CASP5: variants seen among roughly 807,000 people sequenced by gnomAD.
CASP5 encodes caspase-5.
A neutral mutation model predicts 45.2 loss-of-function variants in CASP5; 42 were observed. The observed-to-expected ratio is 0.93, with a 90% CI of 0.73 to 1.20. The LOEUF (loss-of-function observed/expected upper bound fraction) is 1.20. Among genes scored for constraint, CASP5 ranks in the 50% most tolerant of loss-of-function variants. The pLI, the probability that CASP5 is intolerant of heterozygous loss-of-function variation, is 0.00. For missense variants in CASP5, 512 were observed against 532.2 expected, an observed-to-expected ratio of 0.96 and a Z score of 0.37; for synonymous variants, 209 against 186.2, an observed-to-expected ratio of 1.12 and a Z score of -1.00.
chr11:104,995,447 ATAAT>A (rs1478324915), intron 9 of CASP5, among the ~76,000 whole-genome samples: 24 of 152,188 alleles, frequency 1.6e-4, no homozygotes, highest in African/African-American at 5.3e-4. Context: ...ATAAATGAAC[ATAAT>A]TAATAATGGT....
chr11:104,995,097 G>C (rs886644952), intron 9 of CASP5: 1 of 152,226 alleles, frequency 6.6e-6, no homozygotes, highest in African/African-American at 2.4e-5. Context: ...TTCAATCTGC[G>C]AGGCAGGAAG....
intron 1 of CASP5, among the ~76,000 whole-genome samples, chr11:105,014,726 C>T (rs1475423134): frequency 2.0e-5 from 3 of 152,100 alleles, no homozygotes; most frequent in Admixed American, 6.6e-5. Flanking sequence ...AAATACTCTG[C>T]TAGTTGTGAG....
At chr11:105,018,525 C>T (rs2134760391) in intron 1 of CASP5, among the ~76,000 whole-genome samples, 1 of 148,200 alleles carries the variant, frequency 6.7e-6, no homozygotes, top group South Asian at 2.1e-4. Context: ...ATAAAACAGA[C>T]TTTAAACCAA....
intron 1 of CASP5, chr11:105,009,185 C>T (rs779655137): frequency 5.1e-6 from 3 of 593,030 alleles, no homozygotes; most frequent in Non-Finnish European, 9.0e-6. Flanking sequence ...CAATTCATTG[C>T]CACTTAAGTT....
chr11:105,011,656 A>T (rs111781556), intron 1 of CASP5, among the ~76,000 whole-genome samples: 34 of 151,894 alleles, frequency 2.2e-4, no homozygotes, highest in African/African-American at 8.2e-4. Context: ...ATAACAACAA[A>T]CTAAAAAATT....
In CASP5 at chr11:105,014,853, C is replaced by CA. The variant is rs545764675; in HGVS notation, c.8-5874dup. Among the ~76,000 whole-genome samples the CA allele has an allele frequency of 2.9e-4, 44 of 151,838 alleles. 1 individual carries two copies. Among genetic ancestry groups the CA allele is most frequent in the Middle Eastern group, 6.9e-3 (2 of 290 alleles). ...AGAATTTAAATAACGAGCAGATGCTCAAAAAAAAGCATGAGCACACTGTGT... is the reference window on the plus strand; with the variant it reads ...AGAATTTAAATAACGAGCAGATGCTCAAAAAAAAAGCATGAGCACACTGTGT... On this transcript the variant is annotated intron_variant, in intron 1 of 9. Transcript: ENST00000260315.
chr11:105,021,263 T>C (rs1247024126), intron 1 of CASP5, among the ~76,000 whole-genome samples: 1 of 148,774 alleles, frequency 6.7e-6, no homozygotes, highest in African/African-American at 2.4e-5. Context: ...GGACTTCATG[T>C]CTAAAACACC....
At chr11:105,005,356 ATG>A (rs5794366) in intron 3 of CASP5, among the ~76,000 whole-genome samples, 22,579 of 139,032 alleles carry the variant, frequency 0.16, 1,857 homozygotes, top group South Asian at 0.33. Context: ...GTATATATAT[ATG>A]TGTGTGTGTG....
intron 4 of CASP5, 58 bp from the exon 5 acceptor site, chr11:105,002,259 A>G: frequency 6.5e-7 from 1 of 1,531,882 alleles, no homozygotes; most frequent in Non-Finnish European, 9.0e-7. Context: ...CAACCCCCAT[A>G]TGCCTCACAA....
chr11:105,002,540 A>G (rs1861791378), intron 4 of CASP5, among the ~76,000 whole-genome samples: 1 of 152,260 alleles, frequency 6.6e-6, no homozygotes, highest in South Asian at 2.1e-4. Flanking sequence ...AAATATAGCA[A>G]ATTTTCTTTG....
chr11:105,001,931 G>A, intron 5 of CASP5, 97 bp downstream of exon 5: 1 of 1,226,554 alleles, frequency 8.2e-7, no homozygotes, highest in Non-Finnish European at 1.2e-6. Context: ...CGAACCCAGA[G>A]GTTGTTAAAC....
intron 9 of CASP5, chr11:104,995,110 C>T (rs1392563331): frequency 6.6e-6 from 1 of 152,242 alleles, no homozygotes; most frequent in East Asian, 1.9e-4. Context: ...GCAGGAAGGG[C>T]ATTAGCAGGA....
chr11:104,999,407 T>C (rs1861619093), intron 6 of CASP5, among the ~76,000 whole-genome samples: 1 of 152,240 alleles, frequency 6.6e-6, no homozygotes, highest in Non-Finnish European at 1.5e-5. Context: ...GGCTACACAG[T>C]ATTCCATGGG....
Position 105,007,196 on chromosome 11 carries a change from T to C in CASP5, c.320A>G (p.Lys107Arg), listed in dbSNP as rs748085759. ...CAAGATCAGGGCCTTGTCTTCAATT[T>C]TGGTATCATAATATTTTTTCTTTTC... is the stretch of plus-strand genomic sequence containing the variant. ...EEEKKKYYDT[K>R]IEDKALILVD... The change falls in exon 3 of 10, where the codon AAA becomes AGA. Residue 107 changes from lysine to arginine, a missense_variant. By Grantham distance (26) the Lys-to-Arg change is conservative. Coordinates refer to ENST00000260315, the MANE Select transcript of CASP5 (RefSeq NM_004347.5). 1.9e-6 allele frequency: 3 copies of C among 1,613,914 alleles called. No individual in the cohort carries two copies. The Admixed American group carries it at 5.0e-5, about 27-fold the overall frequency.
chr11:104,999,100 G>T (rs1051337273), intron 6 of CASP5, 72 bp from the exon 7 acceptor site: 1 of 1,364,214 alleles, frequency 7.3e-7, no homozygotes, highest in Non-Finnish European at 1.0e-6. Flanking sequence ...GAACGTGTAG[G>T]TTTGTTACAT....
chr11:105,019,428 AAGAG>A (rs1427458862), intron 1 of CASP5, among the ~76,000 whole-genome samples: 2 of 149,922 alleles, frequency 1.3e-5, no homozygotes, highest in East Asian at 1.9e-4. Flanking sequence ...TAAAGAAAAA[AAGAG>A]AGAAGAATCA....
At chr11:105,010,853 A>G (rs912715296) in intron 1 of CASP5, among the ~76,000 whole-genome samples, 6 of 151,774 alleles carry the variant, frequency 4.0e-5, no homozygotes, top group African/African-American at 1.4e-4. Context: ...GGAAACATAT[A>G]CAGATAAGTT....
At chr11:105,000,171 T>A in intron 6 of CASP5, 90 bp downstream of exon 6, 1 of 1,318,948 alleles carries the variant, frequency 7.6e-7, no homozygotes, top group South Asian at 1.2e-5. Flanking sequence ...CTGGATGGGG[T>A]CTAACATTGT....
At chr11:105,009,092 A>G (rs559745247) in intron 1 of CASP5, 112 bp from the exon 2 acceptor site, 1 of 880,592 alleles carries the variant, frequency 1.1e-6, no homozygotes, top group East Asian at 2.6e-5. Flanking sequence ...ATTCTGTCTT[A>G]CCATGTCTTC....
Sources: allele counts gnomAD v4.1 joint callset (sites outside exome capture counted in the v4.1 genomes callset), GRCh38; gene constraint gnomAD v4.1.1; transcripts MANE v1.5; gene names NCBI Gene and HGNC (gene_info 2026-07-23, HGNC 2026-07-21).